Variants in GTPBP6 observed in about 807,000 individuals in gnomAD.
GTPBP6 encodes the protein GTP binding protein 6, also known as putative GTP-binding protein 6.
In GTPBP6, 33 loss-of-function variants were observed where a neutral mutation model predicts 28.9. That is an observed-to-expected ratio of 1.14 (90% confidence interval 0.87 to 1.53). The LOEUF (loss-of-function observed/expected upper bound fraction) is 1.53. Ranked by LOEUF, GTPBP6 falls within the 40% of genes most tolerant of loss-of-function variation. The probability of loss-of-function intolerance (pLI) is 0.00; values close to 1 mark genes in which losing one functional copy is unlikely to be tolerated. For synonymous variants in GTPBP6, 231 were observed against 192.7 expected (o/e 1.20, Z -1.65); for missense variants, 507 against 408.3 (o/e 1.24, Z -2.08).
rs1294609043 is a variant in GTPBP6 at position 307,722 on chromosome X, C to T, written c.1274+10G>A. 2.7e-6 allele frequency: 4 copies of T among 1,470,132 alleles called. No homozygotes were observed. The East Asian group carries it at 9.8e-5, about 36-fold the overall frequency. The allele number at this position is 1,470,132 out of a possible 1,614,324, so 91.1% of individuals were successfully genotyped here. ...AAGGAGACGCTTGCGGACCCCAGGGCCGGACTCACCCGGGCACGAGGTCCA... is the reference window on the plus strand; with the variant it reads ...AAGGAGACGCTTGCGGACCCCAGGGTCGGACTCACCCGGGCACGAGGTCCA... On this transcript the variant is annotated intron_variant, in intron 8 of 9. Coordinates refer to ENST00000326153, the Ensembl canonical transcript of GTPBP6.
intron 9 of GTPBP6, among the ~76,000 whole-genome samples, chrX:306,708 T>G: frequency 6.7e-6 from 1 of 148,726 alleles, no homozygotes; most frequent in Non-Finnish European, 1.5e-5. Flanking sequence ...ATTAGGCACC[T>G]GTTGTATGCA....
At chrX:313,703 C>T (rs760890916) in intron 5 of GTPBP6, among the ~76,000 whole-genome samples, 4 of 150,558 alleles carry the variant, frequency 2.7e-5, no homozygotes, top group African/African-American at 9.8e-5. Flanking sequence ...GAGGAGGCCA[C>T]GTGGAGACGG....
At chrX:311,501 A>C in exon 7 of GTPBP6, 2 of 1,612,288 alleles carry the variant, frequency 1.2e-6, no homozygotes, top group Non-Finnish European at 1.7e-6. Flanking sequence ...GATGGTGTCC[A>C]CGTACAGGAC....
rs754448526 is a variant in GTPBP6, at chrX:307,889, C to T, written c.1126-9G>A. ...ACGTGCAAGATGAGATCCTGTGGGC[C>T]GGGCCGTGGGGTCAGAGCTGCGGAG... On this transcript the variant is annotated splice_polypyrimidine_tract_variant and intron_variant, in intron 7 of 9. Coordinates refer to ENST00000326153, the Ensembl canonical transcript of GTPBP6. The T allele has an allele frequency of 3.1e-5, 47 of 1,509,450 alleles. 1 individual carries two copies. The South Asian group carries it at 4.6e-4, about 15-fold the overall frequency. The allele number at this position is 1,509,450 out of a possible 1,614,324, so 93.5% of individuals were successfully genotyped here.
chrX:318,218 G>A (rs1396595886), intron 1 of GTPBP6, among the ~76,000 whole-genome samples: 1 of 142,122 alleles, frequency 7.0e-6, no homozygotes, highest in African/African-American at 2.7e-5. Flanking sequence ...CCCGAGTCCC[G>A]CCCCTGAATC....
At chrX:312,172 A>G in intron 6 of GTPBP6, 1 of 466,320 alleles carries the variant, frequency 2.1e-6, no homozygotes, top group Non-Finnish European at 4.3e-6. Flanking sequence ...GTGCAGACGA[A>G]GGGGACATTG....
chrX:308,923 G>A (rs1487797071), intron 7 of GTPBP6, among the ~76,000 whole-genome samples: 11 of 151,806 alleles, frequency 7.2e-5, no homozygotes, highest in Non-Finnish European at 1.2e-4. Flanking sequence ...TTTTAGTAGA[G>A]ACGGGATTTC....
intron 4 of GTPBP6, among the ~76,000 whole-genome samples, chrX:314,616 G>A: frequency 6.6e-6 from 1 of 152,044 alleles, no homozygotes; most frequent in Non-Finnish European, 1.5e-5. Context: ...GGGATTTCAG[G>A]CGCCCGCCAC....
At chrX:318,625 G>A (rs1177770406) in exon 1 of GTPBP6, 14 of 397,574 alleles carry the variant, frequency 3.5e-5, no homozygotes, top group East Asian at 3.2e-4. Flanking sequence ...CGCAGGCCCC[G>A]CCCTCCGCCC....
chrX:310,170 T>G (rs1460192606), intron 7 of GTPBP6, among the ~76,000 whole-genome samples: 1 of 147,130 alleles, frequency 6.8e-6, no homozygotes, highest in Non-Finnish European at 1.5e-5. Context: ...GGACATTATT[T>G]GGAAACAGGG....
At position 311,110 on chromosome X, in the gene GTPBP6, C is replaced by A. The variant is rs773851363; in HGVS notation, c.1125+309G>T. Among the ~76,000 whole-genome samples, 297 of 152,096 alleles carry A rather than the reference C, an allele frequency of 2.0e-3. 1 individual carries two copies. The highest frequency in any genetic ancestry group is 7.0e-3 in the African/African-American group (288 of 41,416). On this transcript the variant is annotated intron_variant, in intron 7 of 9. Transcript: ENST00000326153. ...TGAGGCTGGGGCAACCGCTCAGCCTCTCGCCCGGGGACGTGGGAGGCTTGG... is the reference window on the plus strand; with the variant it reads ...TGAGGCTGGGGCAACCGCTCAGCCTATCGCCCGGGGACGTGGGAGGCTTGG...
intron 9 of GTPBP6, among the ~76,000 whole-genome samples, chrX:306,805 G>GCACCTGTTGTATC (rs2070177260): frequency 6.7e-6 from 1 of 150,004 alleles, no homozygotes; most frequent in Non-Finnish European, 1.5e-5. Context: ...GCATAATTAG[G>GCACCTGTTGTATC]CACCTGTTGT....
At chrX:316,144 CACAGTAAATACATCCCGACAGGGACAG>C (rs2070434258) in intron 2 of GTPBP6, among the ~76,000 whole-genome samples, 1 of 101,158 alleles carries the variant, frequency 9.9e-6, no homozygotes, top group Non-Finnish European at 2.0e-5. Context: ...CACACACACA[CACAGTAAATACATCCCGACAGGGACAG>C]ACACACACAC....
chrX:314,610 T>C (rs758089875), intron 4 of GTPBP6, among the ~76,000 whole-genome samples: 2,091 of 151,952 alleles, frequency 0.014, 44 homozygotes, highest in African/African-American at 0.046. Flanking sequence ...GTAGCTGGGA[T>C]TTCAGGCGCC....
At chrX:317,168 G>A in intron 1 of GTPBP6, 117 bp from the exon 2 acceptor site, 2 of 398,172 alleles carry the variant, frequency 5.0e-6, no homozygotes, top group East Asian at 3.6e-5. Context: ...GGCACCTTGA[G>A]CCGCCGTTTG....
intron 1 of GTPBP6, 64 bp from the exon 2 acceptor site, chrX:317,115 C>T (rs1164111682): frequency 5.1e-6 from 2 of 392,200 alleles, no homozygotes; most frequent in Non-Finnish European, 8.9e-6. Flanking sequence ...CACACCTGCC[C>T]GGGGAGGCCT....
rs142169730 is a variant in GTPBP6 at position 312,681 on chromosome X, A to C, written c.916+85T>G. On this transcript the variant is annotated intron_variant, in intron 6 of 9. Coordinates refer to ENST00000326153, the Ensembl canonical transcript of GTPBP6. ...GCTGTCGTACGGCACCACTGAGACG[A>C]CAGGGACCCCCTGCCCTCCCCCGGG... 4.3e-4 allele frequency: 593 copies of C among 1,388,658 alleles called. 1 individual carries two copies. In the African/African-American group the frequency reaches 7.4e-3, roughly 17 times the overall value. The allele number at this position is 1,388,658 out of a possible 1,614,324, so 86.0% of individuals were successfully genotyped here. A position where few individuals can be genotyped will look rare whatever the true frequency, so the allele number is the denominator to read the frequency against.
intron 8 of GTPBP6, 106 bp from the exon 9 acceptor site, chrX:307,618 C>A: frequency 7.0e-7 from 1 of 1,435,880 alleles, no homozygotes. Flanking sequence ...GGGGCCACTC[C>A]CTGTGTCCTG....
At chrX:307,446 C>T (rs1168833715) in exon 9 of GTPBP6, 2 of 1,612,120 alleles carry the variant, frequency 1.2e-6, no homozygotes, top group East Asian at 4.5e-5. Context: ...GCTCAGCTTT[C>T]AGCTCCTGGA....
Sources: allele counts gnomAD v4.1 joint callset (sites outside exome capture counted in the v4.1 genomes callset), GRCh38; gene constraint gnomAD v4.1.1; transcripts MANE v1.5; gene names NCBI Gene and HGNC (gene_info 2026-07-23, HGNC 2026-07-21).